Variants in CLECL1 observed in about 807,000 individuals in gnomAD.
CLECL1 encodes the protein C-type lectin-like domain family 1.
At chr12:9,719,562 TG>T (rs35345708), downstream of CLECL1, among the ~76,000 whole-genome samples, 6,012 of 152,178 alleles carry the variant, frequency 0.04, 153 homozygotes, top group Admixed American at 0.058. Flanking sequence ...GAGAACAGCC[TG>T]GGCAACATAG....
At chr12:9,728,109 C>A (rs963830363) in intron 2 of CLECL1, among the ~76,000 whole-genome samples, 3 of 151,704 alleles carry the variant, frequency 2.0e-5, no homozygotes, top group African/African-American at 7.2e-5. Flanking sequence ...CATATAAATG[C>A]TGCATATATG....
intron 3 of CLECL1, among the ~76,000 whole-genome samples, chr12:9,726,167 AT>A (rs749013572): frequency 1.1e-4 from 17 of 152,074 alleles, no homozygotes; most frequent in Non-Finnish European, 1.6e-4. Context: ...AATACAAAGA[AT>A]GAATTTGGTC....
At chr12:9,730,143 G>T (rs979708433) in intron 1 of CLECL1, among the ~76,000 whole-genome samples, 6 of 152,256 alleles carry the variant, frequency 3.9e-5, no homozygotes, top group Admixed American at 3.9e-4. Context: ...CAATACCCAC[G>T]TGTTAAAATG....
chr12:9,723,944 A>G (rs2121051949), intron 3 of CLECL1, among the ~76,000 whole-genome samples: 1 of 152,072 alleles, frequency 6.6e-6, no homozygotes, highest in East Asian at 1.9e-4. Flanking sequence ...TCCCAACACT[A>G]TGGGAGGCTG....
At chr12:9,718,232 A>C (rs767991576), downstream of CLECL1, among the ~76,000 whole-genome samples, 39 of 143,624 alleles carry the variant, frequency 2.7e-4, no homozygotes, top group South Asian at 6.5e-3. Flanking sequence ...TATGTCCCCA[A>C]ATATGATCCA....
At chr12:9,720,707 G>C (rs1052692556), downstream of CLECL1, among the ~76,000 whole-genome samples, 1 of 152,140 alleles carries the variant, frequency 6.6e-6, no homozygotes, top group Non-Finnish European at 1.5e-5. Context: ...AAGAATTTCT[G>C]CTTCTCTCCA....
At chr12:9,726,216 A>G (rs1230710034) in intron 3 of CLECL1, among the ~76,000 whole-genome samples, 2 of 148,178 alleles carry the variant, frequency 1.3e-5, no homozygotes, top group African/African-American at 5.0e-5. Flanking sequence ...CCTATGTATT[A>G]TAAAAAATAA....
downstream of CLECL1, among the ~76,000 whole-genome samples, chr12:9,714,940 T>G (rs1238535331): frequency 2.6e-5 from 4 of 152,214 alleles, no homozygotes; most frequent in Non-Finnish European, 5.9e-5. Flanking sequence ...TCTTTGAACC[T>G]CTCCTTCTAT....
At chr12:9,719,544 AAAAG>A (rs1198181981), downstream of CLECL1, among the ~76,000 whole-genome samples, 2 of 151,782 alleles carry the variant, frequency 1.3e-5, no homozygotes, top group South Asian at 2.1e-4. Context: ...AAACAAAACA[AAAAG>A]AAAGAGAACA....
At chr12:9,724,129 A>G (rs942931272) in intron 3 of CLECL1, among the ~76,000 whole-genome samples, 1 of 151,716 alleles carries the variant, frequency 6.6e-6, no homozygotes, top group African/African-American at 2.4e-5. Context: ...AAAGGTTGCA[A>G]TGAGCCCAGA....
the CLECL1 span, chr12:9,703,939 A>C: frequency 6.6e-6 from 1 of 151,942 alleles, no homozygotes; most frequent in Admixed American, 6.6e-5. Context: ...TTTTAGTAGC[A>C]AGGTGAACAT....
intron 3 of CLECL1, among the ~76,000 whole-genome samples, chr12:9,725,892 T>C (rs998850643): frequency 3.9e-5 from 6 of 152,022 alleles, no homozygotes; most frequent in African/African-American, 1.2e-4. Context: ...AATCTATATA[T>C]TGGTGCTGAG....
chr12:9,717,684 A>G (rs1340272142), downstream of CLECL1, among the ~76,000 whole-genome samples: 1 of 152,212 alleles, frequency 6.6e-6, no homozygotes, highest in Non-Finnish European at 1.5e-5. Context: ...TGTTAAAAAC[A>G]ATCAGTTGAC....
chr12:9,704,774 G>A, the CLECL1 span, among the ~76,000 whole-genome samples: 1 of 152,152 alleles, frequency 6.6e-6, no homozygotes, highest in Non-Finnish European at 1.5e-5. Context: ...GTATTCCATG[G>A]TGTATATGTA....
At chr12:9,714,319 A>C (rs1310755085), downstream of CLECL1, among the ~76,000 whole-genome samples, 1 of 152,320 alleles carries the variant, frequency 6.6e-6, no homozygotes, top group East Asian at 1.9e-4. Context: ...TGGGAAGCCC[A>C]GAAGTTCACC....
the CLECL1 span, among the ~76,000 whole-genome samples, chr12:9,707,739 G>A: frequency 1.2e-4 from 19 of 152,324 alleles, no homozygotes; most frequent in Middle Eastern, 6.8e-3. Flanking sequence ...TATGGGGTCT[G>A]CTTTTCTTCC....
chr12:9,720,929 T>G (rs189050900), downstream of CLECL1, among the ~76,000 whole-genome samples: 1 of 152,358 alleles, frequency 6.6e-6, no homozygotes, highest in Admixed American at 6.5e-5. Flanking sequence ...GTTTCCTCTC[T>G]CTCGCATGTG....
downstream of CLECL1, among the ~76,000 whole-genome samples, chr12:9,715,290 G>T (rs1866226178): frequency 6.6e-6 from 1 of 152,220 alleles, no homozygotes; most frequent in Middle Eastern, 3.4e-3. Context: ...AGCAGCACAG[G>T]CATCAAATTT....
intron 3 of CLECL1, among the ~76,000 whole-genome samples, chr12:9,723,458 ACGCACG>A (rs1375934657): frequency 9.0e-5 from 3 of 33,378 alleles, no homozygotes; most frequent in Admixed American, 2.4e-4. Context: ...ACACACACAC[ACGCACG>A]CACACACATG....
Sources: gnomAD v4.1 joint callset for allele counts (sites outside exome capture counted in the v4.1 genomes callset) on GRCh38, gnomAD v4.1.1 for gene constraint, MANE v1.5 for transcripts, NCBI Gene and HGNC (gene_info 2026-07-23, HGNC 2026-07-21) for gene names.